Variants in RIMS1 observed in about 807,000 individuals in gnomAD.
RIMS1 encodes regulating synaptic membrane exocytosis protein 1.
RIMS1 carries 83 observed loss-of-function variants against 214.1 expected under a neutral mutation model. The observed-to-expected ratio is 0.39, with a 90% CI of 0.32 to 0.47. The LOEUF (loss-of-function observed/expected upper bound fraction) is 0.47. Ranked by LOEUF, RIMS1 falls within the 20% of genes least tolerant of loss-of-function variation. The pLI is 0.99. For synonymous variants in RIMS1, 793 were observed against 786.8 expected (o/e 1.01, Z -0.13); for missense variants, 2,050 against 2,161.8 (o/e 0.95, Z 1.03).
At chr6:72,321,439 G>A (rs769914182) in intron 28 of RIMS1, among the ~76,000 whole-genome samples, 1 of 152,090 alleles carries the variant, frequency 6.6e-6, no homozygotes, top group African/African-American at 2.4e-5. Flanking sequence ...TACATGAGCA[G>A]ATGTATTCTT....
intron 2 of RIMS1, among the ~76,000 whole-genome samples, chr6:72,054,291 T>G (rs1825547930): frequency 6.6e-6 from 1 of 152,192 alleles, no homozygotes; most frequent in African/African-American, 2.4e-5. Context: ...TATTCCATAG[T>G]ATATATGTGC....
At chr6:71,960,091 C>A (rs190770372) in intron 1 of RIMS1, among the ~76,000 whole-genome samples, 1 of 152,106 alleles carries the variant, frequency 6.6e-6, no homozygotes, top group Non-Finnish European at 1.5e-5. Context: ...TCTTGACATT[C>A]ATCTTGTTTT....
At chr6:72,130,180 T>C (rs2040224245) in intron 4 of RIMS1, among the ~76,000 whole-genome samples, 1 of 152,190 alleles carries the variant, frequency 6.6e-6, no homozygotes, top group Admixed American at 6.5e-5. Context: ...GCACCAATTA[T>C]TTGTGTGAGC....
intron 1 of RIMS1, among the ~76,000 whole-genome samples, chr6:71,922,951 T>C (rs1323167816): frequency 6.6e-6 from 1 of 151,914 alleles, no homozygotes; most frequent in African/African-American, 2.4e-5. Context: ...GTGTACATGC[T>C]CCATAAAAAC....
chr6:72,329,150 G>A (rs2096578331), intron 28 of RIMS1, among the ~76,000 whole-genome samples: 1 of 151,844 alleles, frequency 6.6e-6, no homozygotes, highest in Non-Finnish European at 1.5e-5. Context: ...GGCATCCTTG[G>A]GCTTATAGAG....
intron 6 of RIMS1, 116 bp downstream of exon 6, chr6:72,183,265 T>G: frequency 1.1e-6 from 1 of 941,636 alleles, no homozygotes; most frequent in Non-Finnish European, 1.6e-6. Context: ...TGCTCACAGA[T>G]AAGATAGCGT....
At chr6:72,095,116 A>ATTTTTTT (rs71540328) in intron 2 of RIMS1, among the ~76,000 whole-genome samples, 16 of 98,954 alleles carry the variant, frequency 1.6e-4, no homozygotes, top group Admixed American at 2.6e-4. Flanking sequence ...ACGCCCGACT[A>ATTTTTTT]TTTTTTTTTT....
intron 6 of RIMS1, among the ~76,000 whole-genome samples, chr6:72,194,643 G>A (rs938823872): frequency 2.0e-5 from 3 of 152,028 alleles, no homozygotes; most frequent in African/African-American, 7.2e-5. Flanking sequence ...TATGTGTTTT[G>A]CTGTCTCACA....
chr6:72,211,761 T>A (rs1377334004), intron 6 of RIMS1, among the ~76,000 whole-genome samples: 5 of 152,172 alleles, frequency 3.3e-5, no homozygotes, highest in Admixed American at 6.5e-5. Flanking sequence ...GATCAATATT[T>A]CAACATTAAA....
At chr6:72,058,157 G>A (rs898379455) in intron 2 of RIMS1, among the ~76,000 whole-genome samples, 3 of 152,198 alleles carry the variant, frequency 2.0e-5, no homozygotes, top group Non-Finnish European at 4.4e-5. Context: ...CTTGTAAAAT[G>A]TATATAGAGA....
intron 1 of RIMS1, among the ~76,000 whole-genome samples, chr6:71,936,341 A>AAG (rs1784452471): frequency 6.7e-6 from 1 of 149,758 alleles, no homozygotes; most frequent in Non-Finnish European, 1.5e-5. Context: ...AAAAAAAAAA[A>AAG]AAAAAAAAAA....
At chr6:72,087,326 A>G (rs1203568246) in intron 2 of RIMS1, among the ~76,000 whole-genome samples, 2 of 152,204 alleles carry the variant, frequency 1.3e-5, no homozygotes, top group Non-Finnish European at 2.9e-5. Context: ...CTGAAGAAAA[A>G]TTAGTGCCCT....
At chr6:72,321,306 A>G (rs1342843326) in intron 28 of RIMS1, among the ~76,000 whole-genome samples, 3 of 152,050 alleles carry the variant, frequency 2.0e-5, no homozygotes, top group Non-Finnish European at 4.4e-5. Context: ...ATATAGTTTT[A>G]TGGTCCATAC....
At chr6:72,239,529 C>G (rs114092048) in intron 9 of RIMS1, among the ~76,000 whole-genome samples, 1 of 152,110 alleles carries the variant, frequency 6.6e-6, no homozygotes, top group African/African-American at 2.4e-5. Flanking sequence ...TGCATTTATG[C>G]AAATAGAATT....
At chr6:72,096,314 C>G (rs2031657911) in intron 2 of RIMS1, among the ~76,000 whole-genome samples, 2 of 152,074 alleles carry the variant, frequency 1.3e-5, no homozygotes, top group South Asian at 4.2e-4. Flanking sequence ...AATGTAAAAG[C>G]TAACATTCTG....
Position 72,274,384 on chromosome 6 carries a change from C to T in RIMS1, c.3434C>T (p.Pro1145Leu). Residue 1145 changes from proline to leucine, a missense_variant, in exon 23 of 34, where the codon CCT becomes CTT. Pro to Leu is a moderately conservative substitution (Grantham distance 98, BLOSUM62 -3). This residue lies in a region of RIMS1 where 889 missense variants were observed against 885.5 expected (regional missense o/e 1.00). Transcript: ENST00000521978. ...TCCCCCTCCCTAGATAGGAGACGAC[C>T]TCCTAGTCCCAGGATTCAAATCCAG... The part of the protein sequence containing the change: ...RWSPSLDRRR[P>L]PSPRIQIQHA... 1.9e-6 allele frequency: 3 copies of T among 1,613,148 alleles called. No homozygotes were observed. Among genetic ancestry groups the T allele is most frequent in the Non-Finnish European group, 2.5e-6 (3 of 1,179,388 alleles).
At chr6:72,068,049 G>A (rs1167358362) in intron 2 of RIMS1, among the ~76,000 whole-genome samples, 1 of 152,154 alleles carries the variant, frequency 6.6e-6, no homozygotes, top group Non-Finnish European at 1.5e-5. Context: ...ATGAAAGGAT[G>A]TCACTCTTTT....
intron 2 of RIMS1, among the ~76,000 whole-genome samples, chr6:72,074,687 A>G (rs1831361513): frequency 6.6e-6 from 1 of 152,142 alleles, no homozygotes; most frequent in Non-Finnish European, 1.5e-5. Context: ...AATATATCAT[A>G]TTAGAGTGAA....
At chr6:72,306,459 G>A (rs959844504) in intron 26 of RIMS1, among the ~76,000 whole-genome samples, 1 of 152,034 alleles carries the variant, frequency 6.6e-6, no homozygotes, top group Admixed American at 6.6e-5. Context: ...AAATTTAAAG[G>A]CAAGGTTTTG....
Sources: gnomAD v4.1 joint callset for allele counts (sites outside exome capture counted in the v4.1 genomes callset) on GRCh38, gnomAD v4.1.1 for gene constraint, gnomAD v4.1.1 regional missense constraint, MANE v1.5 for transcripts, NCBI Gene and HGNC (gene_info 2026-07-23, HGNC 2026-07-21) for gene names.